Variants in STX8 observed in about 807,000 individuals in gnomAD.
The protein encoded by STX8 is syntaxin-8.
A neutral mutation model predicts 37.5 loss-of-function variants in STX8; 23 were observed. The ratio of observed to expected loss-of-function variants is 0.61; its 90% confidence interval spans 0.44 to 0.87. STX8 has a LOEUF of 0.87. Ranked by LOEUF, STX8 falls within the 40% of genes least tolerant of loss-of-function variation. The pLI is 0.00. For synonymous variants in STX8, 115 were observed against 99.1 expected, an observed-to-expected ratio of 1.16 and a Z score of -0.95; for missense variants, 313 against 284.7, an observed-to-expected ratio of 1.10 and a Z score of -0.71.
intron 5 of STX8, among the ~76,000 whole-genome samples, chr17:9,499,991 TGAG>T (rs1190145974): frequency 6.6e-6 from 1 of 152,126 alleles, no homozygotes; most frequent in African/African-American, 2.4e-5. Context: ...AGAAAATGCA[TGAG>T]TATTAGCTAT....
intron 4 of STX8, 98 bp downstream of exon 4, chr17:9,545,074 T>A: frequency 9.8e-6 from 7 of 712,502 alleles, no homozygotes; most frequent in Non-Finnish European, 1.7e-5. Context: ...AGAATAGATT[T>A]TGATTAATTC....
At chr17:9,450,732 T>C (rs1283939572) in intron 6 of STX8, among the ~76,000 whole-genome samples, 1 of 152,160 alleles carries the variant, frequency 6.6e-6, no homozygotes, top group East Asian at 1.9e-4. Context: ...AAGGTAGGAC[T>C]CATTGATCAA....
chr17:9,573,007 G>C (rs1294214175), intron 1 of STX8, among the ~76,000 whole-genome samples: 1 of 151,946 alleles, frequency 6.6e-6, no homozygotes, highest in African/African-American at 2.4e-5. Flanking sequence ...GAGGGATTTA[G>C]GTTCCAGAAG....
chr17:9,449,109 A>G (rs111292436), intron 6 of STX8, among the ~76,000 whole-genome samples: 6,242 of 152,294 alleles, frequency 0.041, 171 homozygotes, highest in Middle Eastern at 0.12. Context: ...AAAACTAAAC[A>G]TATGCTTATA....
At chr17:9,398,749 A>G (rs1912497852) in intron 6 of STX8, among the ~76,000 whole-genome samples, 1 of 152,118 alleles carries the variant, frequency 6.6e-6, no homozygotes, top group East Asian at 1.9e-4. Context: ...AAGACTTCCT[A>G]TAAAACTACA....
intron 6 of STX8, among the ~76,000 whole-genome samples, chr17:9,463,083 A>G (rs1211808108): frequency 6.6e-6 from 1 of 152,150 alleles, no homozygotes; most frequent in African/African-American, 2.4e-5. Flanking sequence ...CTCACTGAGG[A>G]AGAATGTAAA....
At chr17:9,306,531 A>G (rs893729234) in intron 7 of STX8, among the ~76,000 whole-genome samples, 7 of 150,500 alleles carry the variant, frequency 4.7e-5, no homozygotes, top group African/African-American at 1.2e-4. Flanking sequence ...GGGTGGATCA[A>G]CTAAGGTCAG....
chr17:9,508,087 A>G (rs527763584), intron 4 of STX8, among the ~76,000 whole-genome samples: 115 of 152,294 alleles, frequency 7.6e-4, no homozygotes, highest in African/African-American at 2.7e-3. Context: ...AATGATAGAG[A>G]AATATACAAA....
At chr17:9,545,059 TGAATA>T (rs1264245641) in intron 4 of STX8, 108 bp downstream of exon 4, 4 of 668,544 alleles carry the variant, frequency 6.0e-6, no homozygotes, top group South Asian at 3.9e-5. Context: ...ACACCATAAA[TGAATA>T]GAATAGATTT....
chr17:9,417,245 G>C (rs1913234220), intron 6 of STX8, among the ~76,000 whole-genome samples: 2 of 152,162 alleles, frequency 1.3e-5, no homozygotes, highest in Non-Finnish European at 2.9e-5. Flanking sequence ...TTTTGTCTGT[G>C]TAGTGGGCAA....
intron 6 of STX8, among the ~76,000 whole-genome samples, chr17:9,456,658 T>C (rs1905194430): frequency 6.6e-6 from 1 of 152,208 alleles, no homozygotes; most frequent in South Asian, 2.1e-4. Context: ...TGCTGAAATG[T>C]TATTTCAGAA....
chr17:9,338,849 A>T (rs1028068949), intron 7 of STX8, among the ~76,000 whole-genome samples: 2 of 152,028 alleles, frequency 1.3e-5, no homozygotes, highest in Non-Finnish European at 2.9e-5. Context: ...AGGCGGGTGG[A>T]TCACAAGGTC....
chr17:9,333,466 C>A (rs573102555), intron 7 of STX8, among the ~76,000 whole-genome samples: 2 of 152,202 alleles, frequency 1.3e-5, no homozygotes, highest in Non-Finnish European at 2.9e-5. Context: ...CGGCTCACTG[C>A]AAGCTCCGCC....
intron 7 of STX8, among the ~76,000 whole-genome samples, chr17:9,304,639 T>C (rs1010141232): frequency 1.3e-5 from 2 of 152,090 alleles, no homozygotes; most frequent in African/African-American, 2.4e-5. Flanking sequence ...GGTAATTTCA[T>C]GTGGTTCAAC....
At chr17:9,470,428 A>G (rs1027799922) in intron 6 of STX8, among the ~76,000 whole-genome samples, 4 of 152,172 alleles carry the variant, frequency 2.6e-5, no homozygotes, top group African/African-American at 9.7e-5. Context: ...ACCACCCCAT[A>G]TGCTAAACAA....
At chr17:9,486,864 C>G (rs1194824773) in intron 6 of STX8, among the ~76,000 whole-genome samples, 3 of 152,074 alleles carry the variant, frequency 2.0e-5, no homozygotes, top group African/African-American at 7.2e-5. Context: ...AACCACAACT[C>G]TGGGTTCTGG....
chr17:9,460,563 C>T lies in STX8; in HGVS notation c.541+31266G>A, dbSNP rs1905333964. 3.3e-5 allele frequency among the ~76,000 whole-genome samples: 5 copies of T among 151,352 alleles called. No individual in the cohort carries two copies. In the South Asian group the frequency reaches 1.0e-3, roughly 32 times the overall value. The stretch of plus-strand genomic sequence containing the variant: ...TGGTGGGCGCCTGTAGTCCCAGCTA[C>T]TCAGGAGGCTGAGGCAGGAGAATAG... On this transcript the variant is annotated intron_variant, in intron 6 of 7. Coordinates refer to ENST00000306357, the MANE Select transcript of STX8 (RefSeq NM_004853.3).
chr17:9,254,957 A>G (rs1387274638), intron 7 of STX8, among the ~76,000 whole-genome samples: 1 of 152,186 alleles, frequency 6.6e-6, no homozygotes, highest in African/African-American at 2.4e-5. Flanking sequence ...AGAGAGGGAG[A>G]AGCTGAGAAA....
chr17:9,332,579 T>G (rs1457059743), intron 7 of STX8, among the ~76,000 whole-genome samples: 1 of 152,230 alleles, frequency 6.6e-6, no homozygotes, highest in Admixed American at 6.5e-5. Flanking sequence ...TATGTTTCAG[T>G]CATCTGTCAT....
Sources: gnomAD v4.1 joint callset for allele counts (sites outside exome capture counted in the v4.1 genomes callset) on GRCh38, gnomAD v4.1.1 for gene constraint, MANE v1.5 for transcripts, NCBI Gene and HGNC (gene_info 2026-07-23, HGNC 2026-07-21) for gene names.